Variants in GNA14 observed in about 807,000 individuals in gnomAD.
GNA14 encodes guanine nucleotide-binding protein subunit alpha-14.
In GNA14, 50 loss-of-function variants were observed where a neutral mutation model predicts 42.0. The observed-to-expected ratio is 1.19, with a 90% CI of 0.95 to 1.51. The LOEUF is 1.51. Among genes scored for constraint, GNA14 ranks in the 40% most tolerant of loss-of-function variants. GNA14 has a pLI of 0.00. For synonymous variants in GNA14, 173 were observed against 163.1 expected (o/e 1.06, Z -0.46); for missense variants, 473 against 446.2 (o/e 1.06, Z -0.54).
At chr9:77,447,282 A>C (rs10125495) in intron 2 of GNA14, among the ~76,000 whole-genome samples, 30,198 of 152,002 alleles carry the variant, frequency 0.2, 3,092 homozygotes, top group East Asian at 0.37. Flanking sequence ...TATCTGTTAT[A>C]TATCCCTTTC....
Position 77,648,122 on chromosome 9 carries a change from C to G in GNA14, c.-329G>C. 2.6e-6 allele frequency: 1 copy of G among 377,472 alleles called. No individual in the cohort carries two copies. Among genetic ancestry groups the G allele is most frequent in the Non-Finnish European group, 4.8e-6 (1 of 209,252 alleles). The allele number at this position is 377,472 out of a possible 1,614,324, so 23.4% of individuals were successfully genotyped here. A position where few individuals can be genotyped will look rare whatever the true frequency, so the allele number is the denominator to read the frequency against. On this transcript the variant is annotated 5_prime_UTR_variant, in exon 1 of 7. Coordinates refer to ENST00000341700, the MANE Select transcript of GNA14 (RefSeq NM_004297.4). The stretch of plus-strand genomic sequence containing the variant: ...TGGCCCCGGGAAGATGCGCGCGCCC[C>G]TTGGCACAGGAGCCGGACAGCAGTC...
intron 1 of GNA14, among the ~76,000 whole-genome samples, chr9:77,611,132 G>A (rs550726596): frequency 9.2e-5 from 14 of 152,328 alleles, no homozygotes; most frequent in Non-Finnish European, 1.5e-4. Flanking sequence ...GCAGCTAGAA[G>A]ACTGGTAGCC....
intron 1 of GNA14, among the ~76,000 whole-genome samples, chr9:77,588,122 G>T (rs1823333640): frequency 6.6e-6 from 1 of 152,050 alleles, no homozygotes; most frequent in African/African-American, 2.4e-5. Flanking sequence ...GGTTCTACCT[G>T]AATAGTCAAG....
intron 1 of GNA14, among the ~76,000 whole-genome samples, chr9:77,597,283 C>T (rs959933028): frequency 5.3e-5 from 8 of 152,252 alleles, no homozygotes; most frequent in African/African-American, 1.7e-4. Context: ...AAACGTCTTG[C>T]CCTTTTAGTT....
intron 1 of GNA14, among the ~76,000 whole-genome samples, chr9:77,596,337 A>ATTT (rs1032269835): frequency 6.6e-6 from 1 of 151,986 alleles, no homozygotes; most frequent in Non-Finnish European, 1.5e-5. Context: ...TTTTACAGTG[A>ATTT]TTTTTTTTGT....
At chr9:77,449,986 T>C (rs1042252137) in intron 2 of GNA14, among the ~76,000 whole-genome samples, 8 of 152,098 alleles carry the variant, frequency 5.3e-5, no homozygotes, top group African/African-American at 1.4e-4. Flanking sequence ...ACATGAGGAA[T>C]TGGCGGTAGT....
chr9:77,579,895 A>G (rs1439585157), intron 1 of GNA14, among the ~76,000 whole-genome samples: 1 of 152,152 alleles, frequency 6.6e-6, no homozygotes, highest in East Asian at 1.9e-4. Flanking sequence ...CCTTCTCCAC[A>G]TTCCTCTTGG....
At chr9:77,497,631 G>A (rs986759089) in intron 2 of GNA14, among the ~76,000 whole-genome samples, 8 of 152,112 alleles carry the variant, frequency 5.3e-5, no homozygotes, top group Admixed American at 2.0e-4. Context: ...TGGAGACCAC[G>A]TTCCTGACAT....
intron 1 of GNA14, among the ~76,000 whole-genome samples, chr9:77,643,207 T>G (rs1324217340): frequency 2.0e-5 from 3 of 151,878 alleles, no homozygotes; most frequent in Non-Finnish European, 4.4e-5. Context: ...ACCATTTCAT[T>G]CCTTTTCTTC....
intron 2 of GNA14, among the ~76,000 whole-genome samples, chr9:77,490,383 G>A (rs11145437): frequency 0.026 from 4,025 of 152,308 alleles, 116 homozygotes; most frequent in East Asian, 0.14. Flanking sequence ...CCATGCGCTC[G>A]CACTCCTCAG....
chr9:77,646,432 GCA>G (rs1371580022), intron 1 of GNA14, among the ~76,000 whole-genome samples: 3 of 148,200 alleles, frequency 2.0e-5, no homozygotes, highest in South Asian at 4.2e-4. Context: ...GTGGGGAGGG[GCA>G]CACCCCCCCC....
chr9:77,562,851 G>A (rs1185611241), intron 1 of GNA14, among the ~76,000 whole-genome samples: 1 of 151,776 alleles, frequency 6.6e-6, no homozygotes, highest in Non-Finnish European at 1.5e-5. Flanking sequence ...TGAAATGCTG[G>A]GTCCCATTCC....
At chr9:77,437,622 A>AAAAG (rs959773006) in intron 2 of GNA14, among the ~76,000 whole-genome samples, 3 of 151,834 alleles carry the variant, frequency 2.0e-5, no homozygotes, top group African/African-American at 7.3e-5. Context: ...AAGGAAGGGA[A>AAAAG]AAAGAAAGAA....
At chr9:77,533,393 T>C (rs1022345495) in intron 1 of GNA14, among the ~76,000 whole-genome samples, 10 of 152,286 alleles carry the variant, frequency 6.6e-5, no homozygotes, top group African/African-American at 2.4e-4. Context: ...TTGCCCAGGC[T>C]GGTCTCAAAC....
intron 2 of GNA14, among the ~76,000 whole-genome samples, chr9:77,525,902 C>CT (rs200876343): frequency 2.1e-3 from 167 of 80,570 alleles, no homozygotes; most frequent in African/African-American, 5.7e-3. Context: ...AGATTTGGGA[C>CT]TTTTTTTAAA....
intron 2 of GNA14, among the ~76,000 whole-genome samples, chr9:77,484,791 A>C (rs1379603113): frequency 6.6e-6 from 1 of 152,130 alleles, no homozygotes; most frequent in African/African-American, 2.4e-5. Context: ...GAGTCACACA[A>C]ATTTTGGTTT....
chr9:77,585,553 T>C (rs1470792845), intron 1 of GNA14, among the ~76,000 whole-genome samples: 1 of 152,184 alleles, frequency 6.6e-6, no homozygotes, highest in Non-Finnish European at 1.5e-5. Flanking sequence ...CTTGTGACCA[T>C]TTCTCTGACC....
At chr9:77,425,058 C>T (rs1835433259) in intron 6 of GNA14, among the ~76,000 whole-genome samples, 1 of 152,142 alleles carries the variant, frequency 6.6e-6, no homozygotes, top group Non-Finnish European at 1.5e-5. Context: ...CTAACATACA[C>T]ATAAGAAGCA....
At chr9:77,486,760 C>G (rs1026070483) in intron 2 of GNA14, among the ~76,000 whole-genome samples, 2 of 152,146 alleles carry the variant, frequency 1.3e-5, no homozygotes, top group Non-Finnish European at 2.9e-5. Context: ...GTGGATGGAG[C>G]AGTCAGAACA....
Sources: allele counts gnomAD v4.1 joint callset (sites outside exome capture counted in the v4.1 genomes callset), GRCh38; gene constraint gnomAD v4.1.1; transcripts MANE v1.5; gene names NCBI Gene and HGNC (gene_info 2026-07-23, HGNC 2026-07-21).